Variants in PRSS23 observed in about 807,000 individuals in gnomAD.
PRSS23 encodes the protein serine protease 23.
In PRSS23, 25 loss-of-function variants were observed where a neutral mutation model predicts 34.7. The observed-to-expected ratio is 0.72, with a 90% CI of 0.53 to 1.01. The LOEUF (loss-of-function observed/expected upper bound fraction) is 1.01. PRSS23 is among the 50% of genes least tolerant of loss of function. The pLI is 0.00. For synonymous variants in PRSS23, 176 were observed against 186.6 expected (o/e 0.94, Z 0.46); for missense variants, 445 against 475.6 (o/e 0.94, Z 0.60).
chr11:86,812,152 C>T (rs1234757748), downstream of PRSS23, among the ~76,000 whole-genome samples: 1 of 152,138 alleles, frequency 6.6e-6, no homozygotes, highest in Non-Finnish European at 1.5e-5. Flanking sequence ...TATGTCTTGG[C>T]CAACAAGCAT....
At chr11:86,889,232 A>G (rs1948825211) in intron 2 of PRSS23, among the ~76,000 whole-genome samples, 2 of 152,166 alleles carry the variant, frequency 1.3e-5, no homozygotes, top group Non-Finnish European at 2.9e-5. Context: ...AGTTCAGCAG[A>G]TAGGCACAGC....
At chr11:86,845,170 CAATA>C (rs1391814437) in intron 2 of PRSS23, among the ~76,000 whole-genome samples, 14 of 151,582 alleles carry the variant, frequency 9.2e-5, no homozygotes, top group African/African-American at 3.1e-4. Flanking sequence ...AGGTTCTATT[CAATA>C]ATTAACATAG....
At chr11:86,893,145 GCTAATTCA>G (rs1301028212) in intron 2 of PRSS23, among the ~76,000 whole-genome samples, 2 of 152,116 alleles carry the variant, frequency 1.3e-5, no homozygotes, top group Non-Finnish European at 2.9e-5. Context: ...GGAATGCCAG[GCTAATTCA>G]CTAATTCACT....
intron 2 of PRSS23, among the ~76,000 whole-genome samples, chr11:86,914,648 GT>G (rs1300816371): frequency 6.6e-6 from 1 of 152,088 alleles, no homozygotes; most frequent in Non-Finnish European, 1.5e-5. Flanking sequence ...GAAATAAACA[GT>G]TGGAAAAAAG....
At chr11:86,793,314 A>G (rs12799567) in intron 1 of PRSS23, among the ~76,000 whole-genome samples, 26,770 of 152,188 alleles carry the variant, frequency 0.18, 2,545 homozygotes, top group Middle Eastern at 0.24. Flanking sequence ...AGGGAATAGA[A>G]TTTGGGAAAC....
At chr11:86,796,269 G>C (rs1255833793), upstream of PRSS23, among the ~76,000 whole-genome samples, 2 of 152,202 alleles carry the variant, frequency 1.3e-5, no homozygotes, top group African/African-American at 4.8e-5. Flanking sequence ...ATGGCACCGA[G>C]TAGACTATTT....
intron 2 of PRSS23, among the ~76,000 whole-genome samples, chr11:86,883,110 G>A (rs1948781906): frequency 6.6e-6 from 1 of 152,152 alleles, no homozygotes; most frequent in Non-Finnish European, 1.5e-5. Flanking sequence ...TTAGACCTTT[G>A]TCAGATGCAG....
At chr11:86,908,424 G>A (rs560515653) in intron 2 of PRSS23, among the ~76,000 whole-genome samples, 1 of 152,354 alleles carries the variant, frequency 6.6e-6, no homozygotes, top group South Asian at 2.1e-4. Context: ...TCATGAAGGT[G>A]TTCACAGTCT....
At chr11:86,870,828 T>G (rs954321216) in intron 2 of PRSS23, among the ~76,000 whole-genome samples, 1 of 152,242 alleles carries the variant, frequency 6.6e-6, no homozygotes, top group African/African-American at 2.4e-5. Context: ...TATTTTTCAG[T>G]TCTACAATTG....
At chr11:86,849,609 G>A (rs779672890) in intron 2 of PRSS23, among the ~76,000 whole-genome samples, 1 of 152,094 alleles carries the variant, frequency 6.6e-6, no homozygotes, top group Admixed American at 6.6e-5. Context: ...AAAGCTCAAG[G>A]CTTAGTAAGA....
intron 2 of PRSS23, among the ~76,000 whole-genome samples, chr11:86,839,717 C>T (rs1948433325): frequency 2.0e-5 from 3 of 151,732 alleles, no homozygotes. Context: ...TCAAGCTACC[C>T]AGAAAGGAAA....
intron 2 of PRSS23, among the ~76,000 whole-genome samples, chr11:86,850,204 G>T (rs1590893363): frequency 1.3e-5 from 2 of 152,090 alleles, no homozygotes; most frequent in South Asian, 4.2e-4. Flanking sequence ...AGCTACAAAT[G>T]GTCTTACAAA....
intron 2 of PRSS23, among the ~76,000 whole-genome samples, chr11:86,852,774 G>T (rs1239390925): frequency 6.6e-6 from 1 of 152,088 alleles, no homozygotes; most frequent in Non-Finnish European, 1.5e-5. Flanking sequence ...ACCCCTGGGG[G>T]CCACCATTCT....
At chr11:86,945,758 T>G (rs1275328119) in intron 2 of PRSS23, 2 of 152,620 alleles carry the variant, frequency 1.3e-5, no homozygotes, top group African/African-American at 2.4e-5. Flanking sequence ...AATTAGAAAT[T>G]TACAGTACAG....
At chr11:86,818,516 T>C (rs1018626038) in intron 1 of PRSS23, among the ~76,000 whole-genome samples, 1 of 152,128 alleles carries the variant, frequency 6.6e-6, no homozygotes, top group Non-Finnish European at 1.5e-5. Context: ...AAAAAATAAA[T>C]CAAAATTTTG....
intron 1 of PRSS23, among the ~76,000 whole-genome samples, chr11:86,805,196 C>G (rs906125573): frequency 1.3e-5 from 2 of 152,132 alleles, no homozygotes; most frequent in Admixed American, 1.3e-4. Flanking sequence ...ATTTAGTCAC[C>G]TAGACAGCAA....
intron 2 of PRSS23, chr11:86,908,861 T>G (rs1476871054): frequency 6.6e-6 from 1 of 152,118 alleles, no homozygotes; most frequent in Non-Finnish European, 1.5e-5. Context: ...AGGTTCACCC[T>G]GGAGCTCGTT....
At chr11:86,948,438 A>C (rs997465743) in intron 2 of PRSS23, 1 of 152,166 alleles carries the variant, frequency 6.6e-6, no homozygotes, top group African/African-American at 2.4e-5. Context: ...GAGTTGATTG[A>C]AGGTCACTGG....
At chr11:86,803,379 A>G (rs1948062738) in intron 1 of PRSS23, among the ~76,000 whole-genome samples, 1 of 152,198 alleles carries the variant, frequency 6.6e-6, no homozygotes, top group Admixed American at 6.5e-5. Context: ...TGTTTTCATT[A>G]CATCTGTTTA....
Sources: gnomAD v4.1 joint callset for allele counts (sites outside exome capture counted in the v4.1 genomes callset) on GRCh38, gnomAD v4.1.1 for gene constraint, MANE v1.5 for transcripts, NCBI Gene and HGNC (gene_info 2026-07-23, HGNC 2026-07-21) for gene names.